The following SLC1A7 variants were observed in gnomAD, a reference collection of about 807,000 sequenced individuals.
SLC1A7 encodes the protein excitatory amino acid transporter 5.
Under a neutral mutation model 47.7 loss-of-function variants are expected in SLC1A7, and 40 were observed. That is an observed-to-expected ratio of 0.84 (90% CI 0.65 to 1.09). The LOEUF (loss-of-function observed/expected upper bound fraction) is 1.09, where lower values mean the gene tolerates loss of function less well. Among genes scored for constraint, SLC1A7 ranks in the 50% least tolerant of loss-of-function variants. The probability of loss-of-function intolerance (pLI) is 0.00; values close to 1 mark genes in which losing one functional copy is unlikely to be tolerated. For synonymous variants in SLC1A7, 323 were observed against 325.6 expected (o/e 0.99, Z 0.09); for missense variants, 746 against 769.5 (o/e 0.97, Z 0.36).
intron 2 of SLC1A7, among the ~76,000 whole-genome samples, chr1:53,123,004 C>T (rs1207966554): frequency 6.6e-6 from 1 of 152,170 alleles, no homozygotes; most frequent in Non-Finnish European, 1.5e-5. Flanking sequence ...AAGGTCCCTC[C>T]TTCCCAGGCC....
chr1:53,141,759 C>T (rs1237089961), intron 1 of SLC1A7, among the ~76,000 whole-genome samples: 1 of 152,122 alleles, frequency 6.6e-6, no homozygotes, highest in East Asian at 1.9e-4. Context: ...CAGAATCACC[C>T]CCTCTCCACT....
chr1:53,136,664 ATATT>A (rs1265924935), intron 1 of SLC1A7, among the ~76,000 whole-genome samples: 3 of 46,960 alleles, frequency 6.4e-5, no homozygotes, highest in Admixed American at 4.9e-4. Context: ...ATATATATAT[ATATT>A]TTTTTTTTTT....
intron 2 of SLC1A7, among the ~76,000 whole-genome samples, chr1:53,120,142 G>A (rs1174889117): frequency 6.6e-6 from 1 of 152,180 alleles, no homozygotes; most frequent in East Asian, 1.9e-4. Flanking sequence ...CCACTTGCAG[G>A]GGTGGGGGAA....
At chr1:53,098,914 T>C (rs1288418) in intron 5 of SLC1A7, among the ~76,000 whole-genome samples, 134,805 of 149,838 alleles carry the variant, frequency 0.9, 60,886 homozygotes, top group Middle Eastern at 0.98. Context: ...AGTACACTCA[T>C]TCCACCTCAT....
intron 2 of SLC1A7, among the ~76,000 whole-genome samples, chr1:53,125,289 GGC>G (rs1310725003): frequency 6.6e-6 from 1 of 152,198 alleles, no homozygotes; most frequent in African/African-American, 2.4e-5. Flanking sequence ...TTCCCCTGCA[GGC>G]AATTTTATTT....
At position 53,133,166 on chromosome 1, in the gene SLC1A7, C is replaced by A. The variant is rs1490955703; in HGVS notation, c.215+1184G>T. Among the ~76,000 whole-genome samples the A allele has an allele frequency of 2.6e-5, 4 of 152,252 alleles. No homozygotes were observed. The East Asian group carries it at 7.7e-4, about 29-fold the overall frequency. ...AGCTGCACCCATGGCTGTGGAGAGGCCGTGTGGAAGAACTGGACGTGTCGT... is the reference window on the plus strand; with the variant it reads ...AGCTGCACCCATGGCTGTGGAGAGGACGTGTGGAAGAACTGGACGTGTCGT... On this transcript the variant is annotated intron_variant, in intron 2 of 10. Transcript: ENST00000371494.
At chr1:53,114,509 C>T (rs1207156162) in intron 3 of SLC1A7, 5 of 512,512 alleles carry the variant, frequency 9.8e-6, no homozygotes, top group African/African-American at 9.5e-5. Flanking sequence ...CAAATGCTCA[C>T]AGATGTCTGC....
intron 3 of SLC1A7, among the ~76,000 whole-genome samples, chr1:53,110,870 G>C (rs1644694780): frequency 6.6e-6 from 1 of 151,956 alleles, no homozygotes; most frequent in Non-Finnish European, 1.5e-5. Flanking sequence ...CTGCTTGCTG[G>C]GCACATTCTC....
chr1:53,121,911 T>A (rs1226067901), intron 2 of SLC1A7, among the ~76,000 whole-genome samples: 1 of 152,078 alleles, frequency 6.6e-6, no homozygotes, highest in Admixed American at 6.5e-5. Context: ...GCAGACCTGC[T>A]TTGACTCATT....
chr1:53,123,466 C>T (rs191914185), intron 2 of SLC1A7, among the ~76,000 whole-genome samples: 2 of 152,298 alleles, frequency 1.3e-5, no homozygotes, highest in Non-Finnish European at 2.9e-5. Context: ...CGGTGTTGAA[C>T]ATTTGCACTG....
rs1288400 is a variant in SLC1A7 at position 53,088,030 on chromosome 1, A to C, written c.1662T>G (p.Ser554Arg). 1 of 1,521,944 alleles carries C rather than the reference A, an allele frequency of 6.6e-7. No individual in the cohort carries two copies. Among genetic ancestry groups the C allele is most frequent in the Non-Finnish European group, 8.9e-7 (1 of 1,126,548 alleles). 94.3% of individuals were successfully genotyped at this position (1,521,944 alleles called of 1,614,324 possible). ...ASLNHCTIQI[S>R]ELETNV Reference sequence around the variant, plus strand: ...AGGCTCAGACATTGGTCTCCAGCTCACTGATCTGGATGGTGCAGTGGTTCA... The same window carrying C: ...AGGCTCAGACATTGGTCTCCAGCTCCCTGATCTGGATGGTGCAGTGGTTCA... The change falls in exon 11 of 11, where the codon AGT (serine) becomes AGG (arginine). Residue 554 changes from serine (S) to arginine (R), a missense_variant. Coordinates refer to ENST00000371494, the MANE Select transcript of SLC1A7 (RefSeq NM_006671.6).
intron 2 of SLC1A7, among the ~76,000 whole-genome samples, chr1:53,121,159 G>GT: frequency 6.6e-6 from 1 of 152,252 alleles, no homozygotes; most frequent in Non-Finnish European, 1.5e-5. Flanking sequence ...GCAAGGCTAA[G>GT]TCTAGTTTGG....
chr1:53,138,890 A>G (rs1213642135), intron 1 of SLC1A7, among the ~76,000 whole-genome samples: 2 of 151,796 alleles, frequency 1.3e-5, no homozygotes, highest in African/African-American at 4.8e-5. Context: ...CCTTCTTTTC[A>G]CATCCCCTCT....
chr1:53,103,124 T>A (rs1644601634), intron 5 of SLC1A7: 2 of 451,710 alleles, frequency 4.4e-6, no homozygotes, highest in South Asian at 8.5e-5. Context: ...GCCTAAGAAA[T>A]GGCCCAGACG....
At chr1:53,130,608 GCTC>G (rs1644933525) in intron 2 of SLC1A7, among the ~76,000 whole-genome samples, 1 of 152,098 alleles carries the variant, frequency 6.6e-6, no homozygotes, top group Non-Finnish European at 1.5e-5. Context: ...CTCCTGCTGG[GCTC>G]CTAAGCTGTG....
chr1:53,093,952 G>A (rs1339728333), intron 5 of SLC1A7, among the ~76,000 whole-genome samples: 1 of 152,092 alleles, frequency 6.6e-6, no homozygotes, highest in African/African-American at 2.4e-5. Flanking sequence ...GGCACCACTG[G>A]CCTTCTTTAA....
rs549179347 is a variant in SLC1A7, at chr1:53,087,750, C to T, written c.*259G>A. The T allele has an allele frequency of 2.1e-5, 7 of 332,946 alleles. No homozygotes were observed. Among genetic ancestry groups the T allele is most frequent in the East Asian group, 4.4e-5 (1 of 22,926 alleles). 20.6% of individuals were successfully genotyped at this position (332,946 alleles called of 1,614,324 possible). A position where few individuals can be genotyped will look rare whatever the true frequency, so the allele number is the denominator to read the frequency against. On this transcript the variant is annotated 3_prime_UTR_variant, in exon 11 of 11. Coordinates refer to ENST00000371494, the MANE Select transcript of SLC1A7 (RefSeq NM_006671.6). The stretch of plus-strand genomic sequence containing the variant: ...GATAACCCCTGCCTGCCGCCCTCAC[C>T]GGGCTCACACCGGGGAAACTGTCAC...
At chr1:53,103,721 G>T in intron 4 of SLC1A7, 153 bp from the exon 5 acceptor site, 1 of 551,706 alleles carries the variant, frequency 1.8e-6, no homozygotes, top group Non-Finnish European at 3.2e-6. Context: ...AGCAGGGATT[G>T]CTATCAATAT....
At chr1:53,137,787 C>A (rs535037946) in intron 1 of SLC1A7, among the ~76,000 whole-genome samples, 11 of 152,326 alleles carry the variant, frequency 7.2e-5, no homozygotes, top group African/African-American at 2.2e-4. Flanking sequence ...TTTTATCCTG[C>A]CTGGGGCCTT....
Sources: gnomAD v4.1 joint callset for allele counts (sites outside exome capture counted in the v4.1 genomes callset) on GRCh38, gnomAD v4.1.1 for gene constraint, MANE v1.5 for transcripts, NCBI Gene and HGNC (gene_info 2026-07-23, HGNC 2026-07-21) for gene names.